Variants in POLK observed in about 807,000 individuals in gnomAD.
POLK encodes DNA polymerase kappa.
POLK carries 76 observed loss-of-function variants against 94.0 expected under a neutral mutation model. That is an observed-to-expected ratio of 0.81 (90% CI 0.67 to 0.98). POLK has a LOEUF of 0.98. Ranked by LOEUF, POLK falls within the 50% of genes least tolerant of loss-of-function variation. POLK has a pLI of 0.00. For synonymous variants in POLK, 349 were observed against 325.4 expected (o/e 1.07, Z -0.78); for missense variants, 954 against 1,010.1 (o/e 0.94, Z 0.75).
intron 5 of POLK, among the ~76,000 whole-genome samples, chr5:75,575,463 G>T (rs1011976782): frequency 3.1e-4 from 47 of 152,222 alleles, no homozygotes; most frequent in Non-Finnish European, 5.6e-4. Flanking sequence ...TTACAGGCAT[G>T]AGCCATCATG....
intron 12 of POLK, among the ~76,000 whole-genome samples, chr5:75,595,096 C>T (rs1772994667): frequency 6.6e-6 from 1 of 151,730 alleles, no homozygotes; most frequent in African/African-American, 2.4e-5. Flanking sequence ...ACAAAAACTA[C>T]AAAAAATTAG....
At chr5:75,595,121 G>A (rs538075999) in intron 12 of POLK, among the ~76,000 whole-genome samples, 3 of 151,788 alleles carry the variant, frequency 2.0e-5, no homozygotes, top group African/African-American at 7.3e-5. Context: ...ACATGGTGGC[G>A]GGCACCTGTA....
At chr5:75,579,516 C>T (rs762748460) in intron 6 of POLK, among the ~76,000 whole-genome samples, 4 of 151,724 alleles carry the variant, frequency 2.6e-5, no homozygotes, top group Non-Finnish European at 5.9e-5. Context: ...CGCCACCATT[C>T]CTGGCTCATT....
At chr5:75,544,928 C>T (rs1490843043) in intron 1 of POLK, among the ~76,000 whole-genome samples, 1 of 152,160 alleles carries the variant, frequency 6.6e-6, no homozygotes, top group Non-Finnish European at 1.5e-5. Context: ...CTATATTCCC[C>T]TGGGCACTAC....
intron 10 of POLK, among the ~76,000 whole-genome samples, chr5:75,588,176 T>A (rs192743016): frequency 7.2e-5 from 11 of 152,306 alleles, no homozygotes; most frequent in Non-Finnish European, 1.3e-4. Context: ...TTGGGAAAAC[T>A]ATTTTATGTA....
intron 10 of POLK, 94 bp downstream of exon 10, chr5:75,587,152 A>G: frequency 1.3e-6 from 1 of 760,394 alleles, no homozygotes; most frequent in African/African-American, 1.8e-5. Context: ...TGAAATAAGA[A>G]ATCTATTTGC....
chr5:75,594,128 C>T (rs772545159), intron 12 of POLK, 79 bp downstream of exon 12: 4 of 1,020,848 alleles, frequency 3.9e-6, no homozygotes, highest in Non-Finnish European at 5.8e-6. Flanking sequence ...ATACAGGGGG[C>T]CCCCAACTTA....
At chr5:75,555,065 C>T (rs767189215) in intron 3 of POLK, among the ~76,000 whole-genome samples, 2 of 152,162 alleles carry the variant, frequency 1.3e-5, no homozygotes, top group Non-Finnish European at 2.9e-5. Context: ...CTCCTGTCTC[C>T]CCACAGGCAT....
intron 1 of POLK, among the ~76,000 whole-genome samples, chr5:75,543,868 CT>C (rs1769875984): frequency 6.6e-6 from 1 of 152,014 alleles, no homozygotes; most frequent in Non-Finnish European, 1.5e-5. Flanking sequence ...GGTTCTTGCT[CT>C]CTTGCCCAGG....
intron 1 of POLK, among the ~76,000 whole-genome samples, chr5:75,543,774 C>T (rs1458580069): frequency 6.6e-6 from 1 of 152,134 alleles, no homozygotes. Flanking sequence ...CAGGATTGCC[C>T]ATAGCCCAAT....
intron 2 of POLK, among the ~76,000 whole-genome samples, chr5:75,549,381 C>T (rs985531182): frequency 1.3e-5 from 2 of 151,892 alleles, no homozygotes; most frequent in African/African-American, 2.4e-5. Context: ...TGTATGTAAA[C>T]AACATGTTTT....
chr5:75,533,024 C>A (rs1361963865), intron 1 of POLK, among the ~76,000 whole-genome samples: 1 of 152,054 alleles, frequency 6.6e-6, no homozygotes. Context: ...AATTTTCTCC[C>A]GTTCTGTAGG....
chr5:75,562,373 T>C (rs139573804), intron 3 of POLK, among the ~76,000 whole-genome samples: 32 of 152,362 alleles, frequency 2.1e-4, no homozygotes, highest in Non-Finnish European at 1.2e-4. Context: ...TCCTGAGACA[T>C]TGCTGAAGTT....
At chr5:75,552,669 C>T in intron 3 of POLK, 78 bp downstream of exon 3, 1 of 1,300,272 alleles carries the variant, frequency 7.7e-7, no homozygotes, top group South Asian at 1.4e-5. Context: ...CAAGTCATAA[C>T]TGAAAACAAG....
At chr5:75,520,920 C>T (rs936458064) in intron 1 of POLK, among the ~76,000 whole-genome samples, 7 of 152,132 alleles carry the variant, frequency 4.6e-5, no homozygotes, top group Admixed American at 1.3e-4. Context: ...TTTCTTTCAG[C>T]ACTTTGAAAA....
At chr5:75,589,379 A>G (rs1212913868) in intron 10 of POLK, among the ~76,000 whole-genome samples, 2 of 105,696 alleles carry the variant, frequency 1.9e-5, no homozygotes, top group Non-Finnish European at 3.7e-5. Flanking sequence ...TTTTATATAT[A>G]TACACACATA....
intron 1 of POLK, among the ~76,000 whole-genome samples, chr5:75,525,319 A>G (rs566573217): frequency 6.6e-6 from 1 of 152,338 alleles, no homozygotes; most frequent in Non-Finnish European, 1.5e-5. Context: ...GCAAAAAAGG[A>G]AAATATAAAA....
In POLK at chr5:75,596,252, AG is replaced by A. The variant is rs1317917456; in HGVS notation, c.1561del (p.Asp521ThrfsTer27). On this transcript the variant is annotated frameshift_variant, in exon 13 of 15. Coordinates refer to ENST00000241436, the Ensembl canonical transcript of POLK. LOFTEE classifies it high-confidence loss of function. ...CGGATATCTAGTTTTCCCAATGAAG[AG>A]GACAGGAAACACCAACAAAGGAGCA... 1.3e-6 allele frequency: 2 copies of A among 1,598,006 alleles called. No homozygotes were observed. The highest frequency in any genetic ancestry group is 1.7e-6 in the Non-Finnish European group (2 of 1,173,820).
intron 11 of POLK, among the ~76,000 whole-genome samples, chr5:75,593,316 G>C (rs1320455538): frequency 6.6e-6 from 1 of 151,890 alleles, no homozygotes; most frequent in Non-Finnish European, 1.5e-5. Flanking sequence ...ATTTTTATTA[G>C]AGACAGGGTT....
Sources: gnomAD v4.1 joint callset for allele counts (sites outside exome capture counted in the v4.1 genomes callset) on GRCh38, gnomAD v4.1.1 for gene constraint, MANE v1.5 for transcripts, NCBI Gene and HGNC (gene_info 2026-07-23, HGNC 2026-07-21) for gene names.